SLIT3: variants seen among roughly 807,000 people sequenced by gnomAD.
The protein encoded by SLIT3 is slit guidance ligand 3, also known as slit homolog 3 protein.
In SLIT3, 68 loss-of-function variants were observed where a neutral mutation model predicts 184.0. The observed-to-expected ratio is 0.37, with a 90% CI of 0.30 to 0.45. The LOEUF (loss-of-function observed/expected upper bound fraction) is 0.45. Ranked by LOEUF, SLIT3 falls within the 20% of genes least tolerant of loss-of-function variation. The pLI is 1.00. For synonymous variants in SLIT3, 831 were observed against 828.6 expected, an observed-to-expected ratio of 1.00 and a Z score of -0.05; for missense variants, 1,707 against 2,026.0, an observed-to-expected ratio of 0.84 and a Z score of 3.02.
intron 15 of SLIT3, among the ~76,000 whole-genome samples, chr5:168,761,492 G>C (rs1386787537): frequency 2.0e-5 from 3 of 152,086 alleles, no homozygotes; most frequent in Non-Finnish European, 2.9e-5. Flanking sequence ...GGCTTACTCT[G>C]TGCCAGGATT....
At chr5:168,894,786 A>G (rs1760605422) in intron 4 of SLIT3, among the ~76,000 whole-genome samples, 1 of 152,234 alleles carries the variant, frequency 6.6e-6, no homozygotes, top group Non-Finnish European at 1.5e-5. Context: ...ACAGCGTTTC[A>G]TCTCCAAGAA....
intron 23 of SLIT3, among the ~76,000 whole-genome samples, chr5:168,712,925 GAGCC>G (rs1762606030): frequency 6.6e-6 from 1 of 152,220 alleles, no homozygotes; most frequent in African/African-American, 2.4e-5. Flanking sequence ...CACGTAGAGA[GAGCC>G]AGCATTTTCT....
At chr5:169,184,598 G>T (rs1375368967) in intron 4 of SLIT3, among the ~76,000 whole-genome samples, 2 of 152,142 alleles carry the variant, frequency 1.3e-5, no homozygotes, top group Non-Finnish European at 2.9e-5. Flanking sequence ...AAATCACCTA[G>T]GGTGCCTATT....
chr5:168,710,470 G>A (rs1027499697), intron 25 of SLIT3, among the ~76,000 whole-genome samples: 6 of 152,142 alleles, frequency 3.9e-5, no homozygotes, highest in African/African-American at 1.4e-4. Flanking sequence ...GCAGGTTGAA[G>A]ATTTTTCTCA....
At chr5:169,093,017 C>T (rs565149982) in intron 4 of SLIT3, among the ~76,000 whole-genome samples, 1 of 152,218 alleles carries the variant, frequency 6.6e-6, no homozygotes, top group East Asian at 1.9e-4. Flanking sequence ...AAACGGTTTT[C>T]AATATTTTTT....
chr5:168,828,815 T>G (rs926607618), intron 6 of SLIT3, among the ~76,000 whole-genome samples: 2 of 152,166 alleles, frequency 1.3e-5, no homozygotes, highest in African/African-American at 4.8e-5. Context: ...CAGAGGAGTC[T>G]CATGCAAGTT....
At chr5:168,712,212 A>G (rs1414837477) in intron 24 of SLIT3, 71 bp downstream of exon 24, 1 of 1,332,540 alleles carries the variant, frequency 7.5e-7, no homozygotes, top group Non-Finnish European at 1.1e-6. Flanking sequence ...GCTGACAGTG[A>G]TGACATTGTC....
At chr5:168,730,157 C>A (rs142888919) in intron 20 of SLIT3, among the ~76,000 whole-genome samples, 1 of 151,232 alleles carries the variant, frequency 6.6e-6, no homozygotes, top group Non-Finnish European at 1.5e-5. Flanking sequence ...ACAAAGGGAA[C>A]AATTCAGCAA....
intron 4 of SLIT3, among the ~76,000 whole-genome samples, chr5:168,968,683 C>A (rs768897556): frequency 5.9e-5 from 9 of 152,206 alleles, no homozygotes; most frequent in Admixed American, 3.3e-4. Flanking sequence ...CTAAGAGTAT[C>A]CTCTCTTGTT....
At chr5:169,113,516 C>T (rs1760491010) in intron 4 of SLIT3, among the ~76,000 whole-genome samples, 1 of 152,068 alleles carries the variant, frequency 6.6e-6, no homozygotes, top group Non-Finnish European at 1.5e-5. Flanking sequence ...TTAATGATGG[C>T]TGTACAAATG....
At chr5:169,181,861 T>C (rs914391479) in intron 4 of SLIT3, among the ~76,000 whole-genome samples, 8 of 152,250 alleles carry the variant, frequency 5.3e-5, no homozygotes, top group African/African-American at 1.9e-4. Flanking sequence ...GTTATCCTTG[T>C]ACTCTCTTGA....
At chr5:168,863,246 T>C (rs956117935) in intron 5 of SLIT3, among the ~76,000 whole-genome samples, 3 of 152,206 alleles carry the variant, frequency 2.0e-5, no homozygotes, top group Non-Finnish European at 2.9e-5. Context: ...GGGTGTGGAG[T>C]CTTTTTTCAA....
intron 4 of SLIT3, 142 bp downstream of exon 4, chr5:169,193,337 C>T (rs1763620121): frequency 5.6e-6 from 4 of 711,240 alleles, no homozygotes; most frequent in Non-Finnish European, 1.0e-5. Context: ...GGGTAGACGT[C>T]ATGTCAAAGC....
chr5:169,137,339 G>C (rs868611833), intron 4 of SLIT3, among the ~76,000 whole-genome samples: 24 of 148,088 alleles, frequency 1.6e-4, no homozygotes, highest in African/African-American at 6.3e-4. Flanking sequence ...CACACACAGA[G>C]AGAGAGAGAG....
chr5:169,070,533 C>T (rs1024770665), intron 4 of SLIT3, among the ~76,000 whole-genome samples: 3 of 152,116 alleles, frequency 2.0e-5, no homozygotes, highest in Non-Finnish European at 4.4e-5. Flanking sequence ...CTCTGCCAGT[C>T]GAGATGACCT....
At chr5:168,806,348 G>A (rs1756955614) in intron 9 of SLIT3, 98 bp downstream of exon 9, 1 of 1,328,398 alleles carries the variant, frequency 7.5e-7, no homozygotes, top group Non-Finnish European at 1.1e-6. Flanking sequence ...GTCAGCTCCA[G>A]CAGCCCCACA....
chr5:169,113,115 C>T (rs1011015434), intron 4 of SLIT3, among the ~76,000 whole-genome samples: 1 of 152,092 alleles, frequency 6.6e-6, no homozygotes, highest in Non-Finnish European at 1.5e-5. Flanking sequence ...AGCTCTGTGG[C>T]GTTAAGTACA....
At chr5:169,112,074 A>G (rs1760430872) in intron 4 of SLIT3, among the ~76,000 whole-genome samples, 1 of 152,228 alleles carries the variant, frequency 6.6e-6, no homozygotes, top group Non-Finnish European at 1.5e-5. Context: ...CAGGACTAGT[A>G]TTCTGGTGAC....
intron 1 of SLIT3, among the ~76,000 whole-genome samples, chr5:169,252,288 CAT>C (rs978958399): frequency 2.0e-5 from 3 of 152,166 alleles, no homozygotes; most frequent in African/African-American, 7.2e-5. Flanking sequence ...ACTCATTTCA[CAT>C]GTTAGGTAAA....
Sources: gnomAD v4.1 joint callset for allele counts (sites outside exome capture counted in the v4.1 genomes callset) on GRCh38, gnomAD v4.1.1 for gene constraint, MANE v1.5 for transcripts, NCBI Gene and HGNC (gene_info 2026-07-23, HGNC 2026-07-21) for gene names.